R3HDM1: variants seen among roughly 807,000 people sequenced by gnomAD.
R3HDM1 encodes the protein R3H domain containing 1, also known as R3H domain-containing protein 1.
R3HDM1 carries 46 observed loss-of-function variants against 141.1 expected under a neutral mutation model. The observed-to-expected ratio is 0.33, with a 90% CI of 0.26 to 0.42. R3HDM1 has a LOEUF of 0.42. Ranked by LOEUF, R3HDM1 falls within the 10% of genes least tolerant of loss-of-function variation. The pLI is 1.00. For missense variants in R3HDM1, 1,184 were observed against 1,368.3 expected, an observed-to-expected ratio of 0.87 and a Z score of 2.12; for synonymous variants, 435 against 472.9, an observed-to-expected ratio of 0.92 and a Z score of 1.04.
At chr2:135,682,017 G>T (rs1030519954) in intron 21 of R3HDM1, among the ~76,000 whole-genome samples, 2 of 149,182 alleles carry the variant, frequency 1.3e-5, no homozygotes, top group African/African-American at 5.0e-5. Flanking sequence ...TATAAATAAG[G>T]AAAAAATACT....
intron 1 of R3HDM1, chr2:135,533,947 A>G: frequency 1.0e-6 from 1 of 954,888 alleles, no homozygotes; most frequent in Non-Finnish European, 1.2e-6. Flanking sequence ...CAGTTTGTGC[A>G]ATAAATATTA....
chr2:135,663,651 A>G (rs1246191842), intron 19 of R3HDM1, among the ~76,000 whole-genome samples: 1 of 152,180 alleles, frequency 6.6e-6, no homozygotes, highest in Non-Finnish European at 1.5e-5. Flanking sequence ...TTTTCATAGA[A>G]TTAGTGGGGA....
At chr2:135,543,486 T>C (rs1310523325) in intron 1 of R3HDM1, among the ~76,000 whole-genome samples, 2 of 151,910 alleles carry the variant, frequency 1.3e-5, no homozygotes, top group African/African-American at 4.8e-5. Flanking sequence ...TAGTTTAGGG[T>C]CAGGTTGCCA....
intron 1 of R3HDM1, among the ~76,000 whole-genome samples, chr2:135,541,269 C>G (rs1697425339): frequency 6.6e-6 from 1 of 152,048 alleles, no homozygotes; most frequent in South Asian, 2.1e-4. Context: ...AGCGCAATCT[C>G]GGCTCACTGC....
chr2:135,683,953 A>C (rs201051721), intron 21 of R3HDM1, among the ~76,000 whole-genome samples: 4 of 147,874 alleles, frequency 2.7e-5, no homozygotes, highest in East Asian at 2.0e-4. Context: ...CTGTCTCATA[A>C]ATACATACAT....
Position 135,655,163 on chromosome 2 carries a change from A to G in R3HDM1, c.2028+3131A>G, listed in dbSNP as rs138047740. Among the ~76,000 whole-genome samples, 313 of 152,220 alleles carry G rather than the reference A, an allele frequency of 2.1e-3. 1 individual carries two copies. Among genetic ancestry groups the G allele is most frequent in the African/African-American group, 7.3e-3 (305 of 41,552 alleles). ...TAAGTGCTTTATGTTTTTAGCTCCTAGGTCATTTATCCATTTTGAGTTAAT... is the reference window on the plus strand; with the variant it reads ...TAAGTGCTTTATGTTTTTAGCTCCTGGGTCATTTATCCATTTTGAGTTAAT... On this transcript the variant is annotated intron_variant, in intron 18 of 26. Transcript: ENST00000683871.
At chr2:135,647,794 C>G (rs1007124024) in intron 16 of R3HDM1, among the ~76,000 whole-genome samples, 1 of 152,186 alleles carries the variant, frequency 6.6e-6, no homozygotes, top group Non-Finnish European at 1.5e-5. Flanking sequence ...AAACCAATTA[C>G]TTTAGGTGGA....
intron 1 of R3HDM1, among the ~76,000 whole-genome samples, chr2:135,588,613 T>G (rs2105054024): frequency 6.6e-6 from 1 of 152,298 alleles, no homozygotes; most frequent in Non-Finnish European, 1.5e-5. Flanking sequence ...AAACTTATGC[T>G]TGAGGTCTTA....
intron 19 of R3HDM1, 143 bp downstream of exon 19, chr2:135,661,536 T>G (rs2066711615): frequency 1.9e-6 from 2 of 1,068,816 alleles, no homozygotes. Context: ...CCAATGAGAT[T>G]AAAAGAGTGA....
chr2:135,651,010 C>A, intron 17 of R3HDM1: 5 of 985,358 alleles, frequency 5.1e-6, no homozygotes, highest in Non-Finnish European at 6.0e-6. Flanking sequence ...TGGTCCTTAT[C>A]CTGTTGAATT....
chr2:135,546,472 A>G (rs892222814), intron 1 of R3HDM1, among the ~76,000 whole-genome samples: 1 of 152,184 alleles, frequency 6.6e-6, no homozygotes, highest in African/African-American at 2.4e-5. Flanking sequence ...GAAATGGTGG[A>G]CAATAATTCT....
intron 7 of R3HDM1, among the ~76,000 whole-genome samples, chr2:135,625,501 G>A (rs533286149): frequency 1.3e-5 from 2 of 152,246 alleles, no homozygotes; most frequent in Admixed American, 1.3e-4. Context: ...GAAAATATAA[G>A]TATTGTAAGA....
At chr2:135,603,740 T>C (rs1194217970) in intron 2 of R3HDM1, among the ~76,000 whole-genome samples, 1 of 152,178 alleles carries the variant, frequency 6.6e-6, no homozygotes, top group Non-Finnish European at 1.5e-5. Flanking sequence ...CTTGAGTAGC[T>C]GTATTATAGG....
chr2:135,608,982 C>T (rs560955362), intron 3 of R3HDM1, among the ~76,000 whole-genome samples: 44 of 152,192 alleles, frequency 2.9e-4, no homozygotes, highest in African/African-American at 9.6e-4. Context: ...AAAAACTGCA[C>T]GTTTAATATA....
intron 18 of R3HDM1, among the ~76,000 whole-genome samples, chr2:135,654,467 TTGA>T (rs2065535893): frequency 6.7e-6 from 1 of 150,088 alleles, no homozygotes; most frequent in African/African-American, 2.5e-5. Context: ...GTTGTTGTTG[TTGA>T]GACAGAGTCT....
At position 135,724,305 on chromosome 2, in the gene R3HDM1, G is replaced by A. The variant is rs370066532; in HGVS notation, c.*13G>A. The A allele has an allele frequency of 6.4e-7, 1 of 1,567,562 alleles. No homozygotes were observed. Among genetic ancestry groups the A allele is most frequent in the Non-Finnish European group, 8.7e-7 (1 of 1,146,266 alleles). On this transcript the variant is annotated 3_prime_UTR_variant, in exon 27 of 27. Coordinates refer to ENST00000683871, the MANE Select transcript of R3HDM1 (RefSeq NM_001378107.1). The stretch of plus-strand genomic sequence containing the variant: ...AAGTTCTCAGTAACAGCCACCTTTG[G>A]ACCCTTCGCCTTTATGGTTCCCCTG...
intron 14 of R3HDM1, among the ~76,000 whole-genome samples, chr2:135,640,120 AGAAAT>A (rs1366078929): frequency 2.0e-5 from 3 of 152,106 alleles, no homozygotes; most frequent in Non-Finnish European, 2.9e-5. Flanking sequence ...AAAAAGGAAA[AGAAAT>A]GACTGTTTCT....
chr2:135,664,500 T>G (rs1471077807), intron 19 of R3HDM1, among the ~76,000 whole-genome samples: 1 of 152,216 alleles, frequency 6.6e-6, no homozygotes, highest in Non-Finnish European at 1.5e-5. Flanking sequence ...TGCCCTAAAT[T>G]AACAAGCCCA....
intron 19 of R3HDM1, among the ~76,000 whole-genome samples, chr2:135,663,776 C>T (rs1466321777): frequency 6.6e-6 from 1 of 152,100 alleles, no homozygotes; most frequent in Non-Finnish European, 1.5e-5. Context: ...CCTGTAATCC[C>T]ACCACTCTGG....
Sources: gnomAD v4.1 joint callset for allele counts (sites outside exome capture counted in the v4.1 genomes callset) on GRCh38, gnomAD v4.1.1 for gene constraint, MANE v1.5 for transcripts, NCBI Gene and HGNC (gene_info 2026-07-23, HGNC 2026-07-21) for gene names.